Variants in CAPZB observed in about 807,000 individuals in gnomAD.
The protein encoded by CAPZB is capping actin protein of muscle Z-line subunit beta.
CAPZB carries 2 observed loss-of-function variants against 38.1 expected under a neutral mutation model. That is an observed-to-expected ratio of 0.05 (90% CI 0.02 to 0.17). The LOEUF (loss-of-function observed/expected upper bound fraction) is 0.17, where lower values mean the gene tolerates loss of function less well. CAPZB is among the 10% of genes least tolerant of loss of function. The probability of loss-of-function intolerance (pLI) is 1.00; values close to 1 mark genes in which losing one functional copy is unlikely to be tolerated. For missense variants in CAPZB, 161 were observed against 334.2 expected, an observed-to-expected ratio of 0.48 and a Z score of 4.04; for synonymous variants, 107 against 127.4, an observed-to-expected ratio of 0.84 and a Z score of 1.08.
At chr1:19,440,912 T>C (rs2094473984) in intron 1 of CAPZB, among the ~76,000 whole-genome samples, 1 of 151,950 alleles carries the variant, frequency 6.6e-6, no homozygotes, top group South Asian at 2.1e-4. Flanking sequence ...TACAAACAAT[T>C]AGCCAGGTGT....
chr1:19,362,920 G>T (rs189159695), intron 4 of CAPZB, among the ~76,000 whole-genome samples: 1 of 152,150 alleles, frequency 6.6e-6, no homozygotes, highest in East Asian at 1.9e-4. Context: ...CCAGGAAGAT[G>T]AGGAGGGGGT....
At chr1:19,375,929 T>C (rs1379487653) in intron 4 of CAPZB, among the ~76,000 whole-genome samples, 1 of 152,148 alleles carries the variant, frequency 6.6e-6, no homozygotes, top group Non-Finnish European at 1.5e-5. Context: ...ATTCTCATGA[T>C]AACAGGCCAT....
At chr1:19,404,117 C>T (rs2094317558) in intron 2 of CAPZB, among the ~76,000 whole-genome samples, 1 of 151,402 alleles carries the variant, frequency 6.6e-6, no homozygotes, top group East Asian at 1.9e-4. Flanking sequence ...CCTGTAGTCC[C>T]AGCTACTCGG....
chr1:19,399,733 T>C (rs1016405451), intron 2 of CAPZB, among the ~76,000 whole-genome samples: 7 of 151,988 alleles, frequency 4.6e-5, no homozygotes, highest in African/African-American at 1.7e-4. Context: ...AGTTCTAAGA[T>C]TTTGCTTAAA....
intron 1 of CAPZB, among the ~76,000 whole-genome samples, chr1:19,467,312 G>C (rs1473058883): frequency 6.6e-6 from 1 of 152,196 alleles, no homozygotes; most frequent in African/African-American, 2.4e-5. Flanking sequence ...AGTGCAGCAG[G>C]CTAAAGCAAG....
chr1:19,395,516 G>A (rs563751157), intron 2 of CAPZB, among the ~76,000 whole-genome samples: 10 of 152,234 alleles, frequency 6.6e-5, no homozygotes, highest in African/African-American at 2.4e-4. Context: ...GGGCCACAAC[G>A]GTTTCCTAAA....
intron 1 of CAPZB, among the ~76,000 whole-genome samples, chr1:19,438,823 G>A (rs2094466585): frequency 6.6e-6 from 1 of 152,234 alleles, no homozygotes; most frequent in South Asian, 2.1e-4. Flanking sequence ...CTCCCCACCG[G>A]GGCCGGCGGG....
intron 2 of CAPZB, among the ~76,000 whole-genome samples, chr1:19,419,217 T>C (rs2094391931): frequency 6.6e-6 from 1 of 152,212 alleles, no homozygotes; most frequent in East Asian, 1.9e-4. Flanking sequence ...TTATACCTTT[T>C]CAAACTAGAA....
At chr1:19,419,815 T>A (rs7549958) in intron 1 of CAPZB, 65 bp from the exon 2 acceptor site, 1 of 962,364 alleles carries the variant, frequency 1.0e-6, no homozygotes, top group Non-Finnish European at 1.6e-6. Context: ...AAACTCCTTT[T>A]AAAAAGCATG....
chr1:19,383,230 G>A (rs1386308873), intron 3 of CAPZB, among the ~76,000 whole-genome samples: 1 of 152,046 alleles, frequency 6.6e-6, no homozygotes, highest in Non-Finnish European at 1.5e-5. Flanking sequence ...AGGATCATTT[G>A]AGGTCAGGAG....
intron 8 of CAPZB, chr1:19,342,918 C>G: frequency 1.8e-6 from 2 of 1,109,320 alleles, no homozygotes; most frequent in Non-Finnish European, 2.8e-6. Context: ...CGACGAGAAG[C>G]CAGGAACGCA....
intron 1 of CAPZB, among the ~76,000 whole-genome samples, chr1:19,429,915 G>A (rs1342534247): frequency 2.6e-5 from 4 of 152,118 alleles, no homozygotes; most frequent in Non-Finnish European, 4.4e-5. Flanking sequence ...GGAGAAGAGA[G>A]GCAGGGACAG....
rs902207500 is a variant in CAPZB, at chr1:19,357,291, G to C, written c.471+131C>G. The C allele has an allele frequency of 1.3e-6, 1 of 788,946 alleles. No individual in the cohort carries two copies. Among genetic ancestry groups the C allele is most frequent in the Non-Finnish European group, 2.1e-6 (1 of 477,688 alleles). 48.9% of individuals were successfully genotyped at this position (788,946 alleles called of 1,614,324 possible). A position where few individuals can be genotyped will look rare whatever the true frequency, so the allele number is the denominator to read the frequency against. ...CTTATCTTTATCCAAATGGCTTTGA[G>C]GCATTTCTCAGAATTAGGGGTTCAG... is the stretch of plus-strand genomic sequence containing the variant. On this transcript the variant is annotated intron_variant, in intron 5 of 8. Coordinates refer to ENST00000264202, the MANE Select transcript of CAPZB (RefSeq NM_004930.5). The surrounding 1 kb of genome is among the most constrained non-coding windows in gnomAD (Gnocchi z 4.3).
In CAPZB at chr1:19,360,050, C is replaced by A. The variant is rs547816141; in HGVS notation, c.330-2487G>T. On this transcript the variant is annotated intron_variant, in intron 4 of 8. Coordinates refer to ENST00000264202, the MANE Select transcript of CAPZB (RefSeq NM_004930.5). Reference sequence around the variant, plus strand: ...AGAGATCAGGCCATTCTGCAATGTTCCTGGAACACCTGGAGAGGGATGGAC... The same window carrying A: ...AGAGATCAGGCCATTCTGCAATGTTACTGGAACACCTGGAGAGGGATGGAC... Among the ~76,000 whole-genome samples the A allele has an allele frequency of 2.0e-5, 3 of 152,294 alleles. No homozygotes were observed. The South Asian group carries it at 6.2e-4, about 32-fold the overall frequency.
intron 1 of CAPZB, chr1:19,449,245 G>C: frequency 9.1e-7 from 1 of 1,095,084 alleles, no homozygotes; most frequent in African/African-American, 1.6e-5. Flanking sequence ...GAACAAAGTG[G>C]GGTCTTGACA....
intron 1 of CAPZB, chr1:19,484,269 C>T (rs1377676964): frequency 3.7e-6 from 6 of 1,612,056 alleles, no homozygotes; most frequent in Admixed American, 1.7e-5. Flanking sequence ...GCTGCGCCTG[C>T]TTGGGTGCAT....
chr1:19,439,509 G>A (rs946093464), intron 1 of CAPZB, among the ~76,000 whole-genome samples: 1 of 152,170 alleles, frequency 6.6e-6, no homozygotes, highest in African/African-American at 2.4e-5. Context: ...CTTGACTATG[G>A]GGAAAATGCA....
rs1217811728 is a variant in CAPZB, at chr1:19,448,914, T to C, written c.4-29164A>G. ...CCTGTATCCTGGAACTGCCTGGGCATTGGAGGAGGTGATGGGTTAATAACA... is the reference window on the plus strand; with the variant it reads ...CCTGTATCCTGGAACTGCCTGGGCACTGGAGGAGGTGATGGGTTAATAACA... On this transcript the variant is annotated intron_variant, in intron 1 of 8. Coordinates refer to ENST00000264202, the MANE Select transcript of CAPZB (RefSeq NM_004930.5). 1.3e-5 allele frequency: 21 copies of C among 1,612,612 alleles called. No homozygotes were observed. The East Asian group carries it at 3.8e-4, about 29-fold the overall frequency.
chr1:19,448,443 T>C (rs1397197665), intron 1 of CAPZB, among the ~76,000 whole-genome samples: 4 of 152,232 alleles, frequency 2.6e-5, no homozygotes, highest in African/African-American at 7.2e-5. Context: ...GACAACCGCC[T>C]TAATCCACAA....
Sources: gnomAD v4.1 joint callset for allele counts (sites outside exome capture counted in the v4.1 genomes callset) on GRCh38, gnomAD v4.1.1 for gene constraint, Gnocchi (gnomAD v3.1) non-coding constraint, MANE v1.5 for transcripts, NCBI Gene and HGNC (gene_info 2026-07-23, HGNC 2026-07-21) for gene names.